Variants in MAN1A2 observed in about 807,000 individuals in gnomAD.
MAN1A2 encodes the protein mannosidase alpha class 1A member 2, also known as mannosyl-oligosaccharide 1,2-alpha-mannosidase IB.
A neutral mutation model predicts 75.7 loss-of-function variants in MAN1A2; 26 were observed. That is an observed-to-expected ratio of 0.34 (90% confidence interval 0.25 to 0.48). The LOEUF (loss-of-function observed/expected upper bound fraction) is 0.48, where lower values mean the gene tolerates loss of function less well. Ranked by LOEUF, MAN1A2 falls within the 20% of genes least tolerant of loss-of-function variation. The pLI, the probability that MAN1A2 is intolerant of heterozygous loss-of-function variation, is 0.99. For missense variants in MAN1A2, 562 were observed against 775.5 expected (o/e 0.72, Z 3.27); for synonymous variants, 247 against 264.6 (o/e 0.93, Z 0.65).
At chr1:117,439,271 G>C (rs554591644) in intron 5 of MAN1A2, among the ~76,000 whole-genome samples, 1 of 152,240 alleles carries the variant, frequency 6.6e-6, no homozygotes, top group South Asian at 2.1e-4. Flanking sequence ...ATTAAGGACT[G>C]TGGCTTTTGC....
chr1:117,403,006 T>C (rs988362081), intron 2 of MAN1A2, among the ~76,000 whole-genome samples: 4 of 152,168 alleles, frequency 2.6e-5, no homozygotes, highest in African/African-American at 9.6e-5. Context: ...AATTTGTTAT[T>C]CTGTAGTTAC....
At chr1:117,377,864 G>T (rs942355584) in intron 1 of MAN1A2, among the ~76,000 whole-genome samples, 2 of 152,088 alleles carry the variant, frequency 1.3e-5, no homozygotes, top group African/African-American at 4.8e-5. Flanking sequence ...ACTTTGGGAG[G>T]CCGAGGCGGG....
chr1:117,388,703 G>T (rs951071111), intron 1 of MAN1A2, among the ~76,000 whole-genome samples: 2 of 152,102 alleles, frequency 1.3e-5, no homozygotes, highest in African/African-American at 4.8e-5. Flanking sequence ...CAACACTGGG[G>T]ATTACAATTC....
chr1:117,420,235 A>G (rs955145677), intron 4 of MAN1A2, among the ~76,000 whole-genome samples: 3 of 152,080 alleles, frequency 2.0e-5, no homozygotes, highest in African/African-American at 7.2e-5. Context: ...CTATTCTAGA[A>G]TCATGACCCA....
In MAN1A2 at chr1:117,370,177, A is replaced by T. The variant is rs1365586687; in HGVS notation, c.302+1692A>T. On this transcript the variant is annotated intron_variant, in intron 1 of 12. Coordinates refer to ENST00000356554, the MANE Select transcript of MAN1A2 (RefSeq NM_006699.5). Reference sequence around the variant, plus strand: ...ATTCTTAAATTTATGAAGCCCTTGGATATATATGCATATGTATTTAGCTAT... The same window carrying T: ...ATTCTTAAATTTATGAAGCCCTTGGTTATATATGCATATGTATTTAGCTAT... Among the ~76,000 whole-genome samples the T allele has an allele frequency of 2.0e-5, 3 of 152,324 alleles. No homozygotes were observed. The East Asian group carries it at 5.8e-4, about 29-fold the overall frequency.
intron 8 of MAN1A2, among the ~76,000 whole-genome samples, chr1:117,477,104 A>G (rs1650338333): frequency 6.6e-6 from 1 of 151,962 alleles, no homozygotes; most frequent in South Asian, 2.1e-4. Context: ...CGAATCCCTG[A>G]ATAGACCAAT....
chr1:117,484,653 G>A (rs1230197452), intron 8 of MAN1A2, among the ~76,000 whole-genome samples: 3 of 151,978 alleles, frequency 2.0e-5, no homozygotes, highest in East Asian at 3.9e-4. Flanking sequence ...TATTACAGTA[G>A]TAAAGTATGT....
In MAN1A2 at chr1:117,441,247, C is replaced by G. The variant is rs1000292472; in HGVS notation, c.856-984C>G. 3.3e-5 allele frequency among the ~76,000 whole-genome samples: 5 copies of G among 152,078 alleles called. No homozygotes were observed. In the South Asian group the frequency reaches 1.0e-3, roughly 31 times the overall value. On this transcript the variant is annotated intron_variant, in intron 5 of 12. Coordinates refer to ENST00000356554, the MANE Select transcript of MAN1A2 (RefSeq NM_006699.5). ...TGTACATATTTCTCTCTAATATTTT[C>G]TATCCCCAGTAATGTTGGTATGCTT...
rs1553236563 is a variant in MAN1A2 at position 117,458,489 on chromosome 1, A to ATATATC, written c.951-1995_951-1994insCTATAT. Among the ~76,000 whole-genome samples, 127 of 69,314 alleles carry ATATATC rather than the reference A, an allele frequency of 1.8e-3. 3 individuals are homozygous for ATATATC. Among genetic ancestry groups the ATATATC allele is most frequent in the African/African-American group, 9.0e-3 (119 of 13,248 alleles). 45.5% of individuals were successfully genotyped at this position (69,314 alleles called of 152,430 possible). On this transcript the variant is annotated intron_variant, in intron 6 of 12. Transcript: ENST00000356554. ...CAAGTGAATATAAGATGAGAAATATATATATATCTATATATATATATAGAT... is the reference window on the plus strand; with the variant it reads ...CAAGTGAATATAAGATGAGAAATATATATATCTATATATCTATATATATATATAGAT...
chr1:117,448,841 T>C (rs779044429), intron 6 of MAN1A2, among the ~76,000 whole-genome samples: 41 of 152,230 alleles, frequency 2.7e-4, no homozygotes, highest in South Asian at 2.1e-3. Flanking sequence ...CTTCACTTAA[T>C]TGTTCTTTGC....
rs542376068 is a variant in MAN1A2 at position 117,431,576 on chromosome 1, G to T, written c.856-10655G>T. 7.2e-5 allele frequency among the ~76,000 whole-genome samples: 11 copies of T among 152,236 alleles called. No individual in the cohort carries two copies. The East Asian group carries it at 1.2e-3, about 16-fold the overall frequency. On this transcript the variant is annotated intron_variant, in intron 5 of 12. Coordinates refer to ENST00000356554, the MANE Select transcript of MAN1A2 (RefSeq NM_006699.5). ...GCTGCTGAGTACACTTTCTTTTCAA[G>T]TGCACATGGTATGTTTACCAAAAAT... is the stretch of plus-strand genomic sequence containing the variant.
chr1:117,407,077 T>C (rs1647640560), intron 3 of MAN1A2, among the ~76,000 whole-genome samples: 1 of 152,032 alleles, frequency 6.6e-6, no homozygotes, highest in Admixed American at 6.5e-5. Context: ...TTAGGAAACA[T>C]CTATTCTGCG....
chr1:117,373,143 A>AT (rs1038945156), intron 1 of MAN1A2, among the ~76,000 whole-genome samples: 2 of 150,372 alleles, frequency 1.3e-5, no homozygotes, highest in African/African-American at 4.9e-5. Flanking sequence ...TCATGTTATG[A>AT]TTCGTGTTTT....
At chr1:117,420,068 A>G (rs1648136481) in intron 4 of MAN1A2, among the ~76,000 whole-genome samples, 1 of 152,080 alleles carries the variant, frequency 6.6e-6, no homozygotes, top group African/African-American at 2.4e-5. Context: ...TCTCAACATT[A>G]TTATTGAATA....
intron 8 of MAN1A2, among the ~76,000 whole-genome samples, chr1:117,473,683 G>A (rs1349114057): frequency 3.3e-5 from 5 of 151,830 alleles, no homozygotes; most frequent in African/African-American, 4.8e-5. Flanking sequence ...ATGATTTTTC[G>A]AGAGATATTC....
chr1:117,382,249 T>TCCTTG (rs1373454304), intron 1 of MAN1A2, among the ~76,000 whole-genome samples: 1 of 152,220 alleles, frequency 6.6e-6, no homozygotes, highest in Non-Finnish European at 1.5e-5. Context: ...AGACATGAAG[T>TCCTTG]CCTTGCCCAT....
intron 1 of MAN1A2, among the ~76,000 whole-genome samples, chr1:117,382,844 C>T (rs1398140230): frequency 2.0e-5 from 3 of 152,022 alleles, no homozygotes; most frequent in Non-Finnish European, 4.4e-5. Context: ...TGTTTGTATC[C>T]TCTTTTATTA....
chr1:117,523,218 AATG>A lies in MAN1A2; in HGVS notation c.*264_*266del. The A allele has an allele frequency of 1.7e-6, 1 of 605,132 alleles. No homozygotes were observed. Among genetic ancestry groups the A allele is most frequent in the Non-Finnish European group, 3.2e-6 (1 of 313,134 alleles). The allele number at this position is 605,132 out of a possible 1,614,324, so 37.5% of individuals were successfully genotyped here. A position where few individuals can be genotyped will look rare whatever the true frequency, so the allele number is the denominator to read the frequency against. On this transcript the variant is annotated 3_prime_UTR_variant, in exon 13 of 13. Transcript: ENST00000356554. ...TCGTTAATGAGGTGGTCACATGAGA[AATG>A]ATACCTGTTACTACTGTATTGTTTT...
chr1:117,422,413 G>T (rs1018801409), intron 5 of MAN1A2, among the ~76,000 whole-genome samples: 1 of 152,036 alleles, frequency 6.6e-6, no homozygotes, highest in Non-Finnish European at 1.5e-5. Context: ...GAATAAACCT[G>T]CTATAAGCAT....
Sources: gnomAD v4.1 joint callset for allele counts (sites outside exome capture counted in the v4.1 genomes callset) on GRCh38, gnomAD v4.1.1 for gene constraint, MANE v1.5 for transcripts, NCBI Gene and HGNC (gene_info 2026-07-23, HGNC 2026-07-21) for gene names.